CDH13: variants seen among roughly 807,000 people sequenced by gnomAD.
The protein encoded by CDH13 is cadherin-13.
In CDH13, 24 loss-of-function variants were observed where a neutral mutation model predicts 63.8. The ratio of observed to expected loss-of-function variants is 0.38; its 90% CI spans 0.27 to 0.53. The LOEUF is 0.53. Among genes scored for constraint, CDH13 ranks in the 20% least tolerant of loss-of-function variants. The probability of loss-of-function intolerance (pLI) is 0.85; values close to 1 mark genes in which losing one functional copy is unlikely to be tolerated. For missense variants in CDH13, 1,049 were observed against 903.1 expected (o/e 1.16, Z -2.07); for synonymous variants, 503 against 355.3 (o/e 1.42, Z -4.67).
chr16:83,504,000 T>G (rs1421761740), intron 7 of CDH13, among the ~76,000 whole-genome samples: 5 of 152,102 alleles, frequency 3.3e-5, no homozygotes, highest in Admixed American at 1.3e-4. Context: ...AGATGCCCAA[T>G]GCATGTGGGG....
At chr16:83,434,851 G>A (rs1598012559) in intron 6 of CDH13, among the ~76,000 whole-genome samples, 1 of 48,256 alleles carries the variant, frequency 2.1e-5, no homozygotes, top group South Asian at 6.8e-4. Flanking sequence ...ATATATATGT[G>A]TGTGCGTGTG....
At chr16:83,500,947 T>C (rs1215359604) in intron 7 of CDH13, among the ~76,000 whole-genome samples, 1 of 152,162 alleles carries the variant, frequency 6.6e-6, no homozygotes, top group Non-Finnish European at 1.5e-5. Flanking sequence ...CCAGGAATCA[T>C]GGCCTCCGTT....
At chr16:83,794,922 G>C in intron 13 of CDH13, 101 bp from the exon 14 acceptor site, 1 of 1,062,658 alleles carries the variant, frequency 9.4e-7, no homozygotes, top group East Asian at 2.6e-5. Flanking sequence ...TGTTTAAAAT[G>C]TGTTTATTAT....
chr16:83,171,624 T>C, intron 4 of CDH13: 2 of 1,404,138 alleles, frequency 1.4e-6, no homozygotes, highest in Non-Finnish European at 1.9e-6. Flanking sequence ...TCCTTGTTTG[T>C]GTCTCCAATT....
intron 7 of CDH13, among the ~76,000 whole-genome samples, chr16:83,594,785 C>A (rs1403475252): frequency 6.6e-6 from 1 of 152,158 alleles, no homozygotes; most frequent in African/African-American, 2.4e-5. Flanking sequence ...TAAATGCATA[C>A]CTGTGTGGAA....
intron 6 of CDH13, among the ~76,000 whole-genome samples, chr16:83,410,187 T>C (rs774774594): frequency 3.5e-4 from 54 of 152,310 alleles, no homozygotes; most frequent in Admixed American, 1.1e-3. Flanking sequence ...TGCCAAGTTG[T>C]TAATGGAATT....
At chr16:82,990,411 CATCTTGTGATGG>C (rs1191256669) in intron 2 of CDH13, 1 of 152,174 alleles carries the variant, frequency 6.6e-6, no homozygotes, top group East Asian at 1.9e-4. Flanking sequence ...AGGTACAGCC[CATCTTGTGATGG>C]GCTGGGACCT....
chr16:83,380,596 T>C (rs546683605), intron 6 of CDH13, among the ~76,000 whole-genome samples: 1 of 152,286 alleles, frequency 6.6e-6, no homozygotes, highest in African/African-American at 2.4e-5. Flanking sequence ...TCTGGAGACG[T>C]CATTTGGGAC....
intron 6 of CDH13, among the ~76,000 whole-genome samples, chr16:83,458,024 A>C (rs1014958889): frequency 1.3e-5 from 2 of 152,174 alleles, no homozygotes; most frequent in African/African-American, 2.4e-5. Flanking sequence ...TGGGTCTCTT[A>C]AGATGGCCCT....
At position 82,873,324 on chromosome 16, in the gene CDH13, G is replaced by A. The variant is rs181505827; in HGVS notation, c.157+14851G>A. ...TCTATGTTATAGATAGGGGTATAAA[G>A]ATTGACTAAAGAGCCCAAGATCTCA... On this transcript the variant is annotated intron_variant, in intron 2 of 13. Transcript: ENST00000567109. Among the ~76,000 whole-genome samples, 650 of 152,300 alleles carry A rather than the reference G, an allele frequency of 4.3e-3. 2 individuals are homozygous for A. The highest frequency in any genetic ancestry group is 7.0e-3 in the Non-Finnish European group (474 of 68,024).
chr16:82,819,754 C>A (rs1179819723), intron 1 of CDH13, among the ~76,000 whole-genome samples: 19 of 152,204 alleles, frequency 1.2e-4, no homozygotes, highest in Admixed American at 1.2e-3. Context: ...CTTTTCCAGG[C>A]AGTTTTTAGG....
chr16:83,303,859 C>G (rs939789251), intron 5 of CDH13, among the ~76,000 whole-genome samples: 15 of 152,268 alleles, frequency 9.9e-5, no homozygotes, highest in Admixed American at 4.6e-4. Context: ...GCACAGGATT[C>G]TCATGACAGG....
At chr16:82,643,559 G>A (rs988516556) in intron 1 of CDH13, among the ~76,000 whole-genome samples, 1 of 152,186 alleles carries the variant, frequency 6.6e-6, no homozygotes, top group South Asian at 2.1e-4. Flanking sequence ...TGTGTTATTT[G>A]GAACTGCAGG....
intron 1 of CDH13, among the ~76,000 whole-genome samples, chr16:82,833,641 C>G (rs2038641005): frequency 6.6e-6 from 1 of 152,216 alleles, no homozygotes; most frequent in South Asian, 2.1e-4. Flanking sequence ...CTCTGTTCTT[C>G]CATCTGTCCA....
intron 10 of CDH13, among the ~76,000 whole-genome samples, chr16:83,684,256 A>T (rs1464472897): frequency 6.6e-6 from 1 of 152,110 alleles, no homozygotes; most frequent in Non-Finnish European, 1.5e-5. Context: ...AATCCCAGGT[A>T]CTTGGGAGGC....
intron 5 of CDH13, among the ~76,000 whole-genome samples, chr16:83,303,886 G>T (rs907863647): frequency 2.0e-5 from 3 of 152,078 alleles, no homozygotes; most frequent in African/African-American, 4.8e-5. Context: ...GGGGCATCTT[G>T]GGTGACAGGT....
chr16:83,402,344 A>T (rs995812668), intron 6 of CDH13, among the ~76,000 whole-genome samples: 2 of 152,192 alleles, frequency 1.3e-5, no homozygotes, highest in African/African-American at 4.8e-5. Context: ...AGAACAGGAC[A>T]CAGAGTGATT....
At chr16:83,525,905 G>A (rs144491027) in intron 7 of CDH13, among the ~76,000 whole-genome samples, 95 of 152,304 alleles carry the variant, frequency 6.2e-4, no homozygotes, top group Non-Finnish European at 1.1e-3. Flanking sequence ...ACAAACCAAG[G>A]AACATGGGCA....
At chr16:82,995,095 C>T (rs774324125) in intron 2 of CDH13, among the ~76,000 whole-genome samples, 2 of 152,286 alleles carry the variant, frequency 1.3e-5, no homozygotes, top group Non-Finnish European at 1.5e-5. Flanking sequence ...TCTTTATTCC[C>T]GTCATTTTAA....
Sources: allele counts gnomAD v4.1 joint callset (sites outside exome capture counted in the v4.1 genomes callset), GRCh38; gene constraint gnomAD v4.1.1; transcripts MANE v1.5; gene names NCBI Gene and HGNC (gene_info 2026-07-23, HGNC 2026-07-21).